Variants in TRMT2A observed in about 807,000 individuals in gnomAD.
TRMT2A encodes tRNA methyltransferase 2A.
A neutral mutation model predicts 59.3 loss-of-function variants in TRMT2A; 60 were observed. That is an observed-to-expected ratio of 1.01 (90% confidence interval 0.82 to 1.26). The LOEUF (loss-of-function observed/expected upper bound fraction) is 1.26, where lower values mean the gene tolerates loss of function less well. Among genes scored for constraint, TRMT2A ranks in the 50% most tolerant of loss-of-function variants. TRMT2A has a pLI of 0.00. For synonymous variants in TRMT2A, 403 were observed against 353.7 expected, an observed-to-expected ratio of 1.14 and a Z score of -1.56; for missense variants, 863 against 845.2, an observed-to-expected ratio of 1.02 and a Z score of -0.26.
In TRMT2A at chr22:20,116,440, T is replaced by A. The variant is rs760550164; in HGVS notation, c.197A>T (p.Asp66Val). 3 of 1,612,576 alleles carry A rather than the reference T, an allele frequency of 1.9e-6. No individual in the cohort carries two copies. ...TTTAAAGATCTCAGAGGTAAACAAG[T>A]CATCCCTGATGTAGCTGTAGAGCCC... Reference protein sequence around the residue: ...QPGLYSYIRDDLFTSEIFKLE... With the variant: ...QPGLYSYIRDVLFTSEIFKLE... The change falls in exon 2 of 12, where the codon GAC (aspartate) becomes GTC (valine). Residue 66 changes from aspartate to valine, a missense_variant. Physicochemically the swap from Asp to Val is radical, Grantham distance 152. Coordinates refer to ENST00000252136, the MANE Select transcript of TRMT2A (RefSeq NM_022727.6).
rs1183686754 is a variant in TRMT2A at position 20,112,441 on chromosome 22, G to C, written c.*122C>G. ...CCTAGCAGCAGGCCAATCCTGGTGGGGCACAGGGTTCTGTGCCCTTTGGCT... is the reference window on the plus strand; with the variant it reads ...CCTAGCAGCAGGCCAATCCTGGTGGCGCACAGGGTTCTGTGCCCTTTGGCT... On this transcript the variant is annotated 3_prime_UTR_variant, in exon 12 of 12. Transcript: ENST00000252136. 26 of 1,295,672 alleles carry C rather than the reference G, an allele frequency of 2.0e-5. No individual in the cohort carries two copies. Among genetic ancestry groups the C allele is most frequent in the Non-Finnish European group, 2.7e-5 (26 of 958,524 alleles). 80.3% of individuals were successfully genotyped at this position (1,295,672 alleles called of 1,614,324 possible). A position where few individuals can be genotyped will look rare whatever the true frequency, so the allele number is the denominator to read the frequency against.
At position 20,112,338 on chromosome 22, in the gene TRMT2A, T is replaced by C. The variant is rs1017396708; in HGVS notation, c.*225A>G. The C allele has an allele frequency of 1.8e-5, 11 of 596,916 alleles. No homozygotes were observed. The highest frequency in any genetic ancestry group is 2.7e-5 in the Non-Finnish European group (9 of 338,798). The allele number at this position is 596,916 out of a possible 1,614,324, so 37.0% of individuals were successfully genotyped here. ...TTGTTTATTCTGGCCCTCACAGCCT[T>C]GGCTAGTCCACAAAGGCCCTGGGGA... On this transcript the variant is annotated 3_prime_UTR_variant, in exon 12 of 12. Transcript: ENST00000252136.
intron 1 of TRMT2A, 72 bp downstream of exon 1, chr22:20,116,811 G>A: frequency 1.4e-6 from 2 of 1,472,820 alleles, no homozygotes; most frequent in Non-Finnish European, 1.9e-6. Flanking sequence ...CTATTCTCTG[G>A]CAGGTTTCCT....
chr22:20,116,262 G>T lies in TRMT2A; in HGVS notation c.375C>A (p.Ala125=). The change falls in exon 2 of 12, where the codon GCC becomes GCA. Residue 125 remains alanine (A), a synonymous_variant. Coordinates refer to ENST00000252136, the MANE Select transcript of TRMT2A (RefSeq NM_022727.6). ...TFRSAAERDK[A]LRVLHGALWK... is the part of the protein sequence containing the mutation. ...AGAGGGCACCATGCAAAACGCGCAGGGCCTTGTCCCTCTCTGCAGCGCTGC... is the reference window on the plus strand; with the variant it reads ...AGAGGGCACCATGCAAAACGCGCAGTGCCTTGTCCCTCTCTGCAGCGCTGC... 6.2e-7 allele frequency: 1 copy of T among 1,612,962 alleles called. No homozygotes were observed. The highest frequency in any genetic ancestry group is 8.5e-7 in the Non-Finnish European group (1 of 1,180,016).
chr22:20,115,979 G>A (rs1430074093), intron 2 of TRMT2A, 59 bp downstream of exon 2: 6 of 1,512,090 alleles, frequency 4.0e-6, no homozygotes, highest in Non-Finnish European at 5.3e-6. Flanking sequence ...TGGACAGGCT[G>A]AGGAAGCACA....
In TRMT2A at chr22:20,112,536, C is replaced by G. The variant is rs1478383495; in HGVS notation, c.*27G>C. The G allele has an allele frequency of 1.2e-6, 2 of 1,608,462 alleles. No homozygotes were observed. Among genetic ancestry groups the G allele is most frequent in the South Asian group, 2.2e-5 (2 of 90,778 alleles). ...CCCTGGGGCCCTGGGAGCCCTTCAGCTCCTGTCCCCATAATGGGTCCTGGG... is the reference window on the plus strand; with the variant it reads ...CCCTGGGGCCCTGGGAGCCCTTCAGGTCCTGTCCCCATAATGGGTCCTGGG... On this transcript the variant is annotated 3_prime_UTR_variant, in exon 12 of 12. Coordinates refer to ENST00000252136, the MANE Select transcript of TRMT2A (RefSeq NM_022727.6).
At chr22:20,113,839 G>A (rs2049924197) in intron 7 of TRMT2A, 31 bp from the exon 8 acceptor site, 3 of 1,532,254 alleles carry the variant, frequency 2.0e-6, no homozygotes, top group Non-Finnish European at 1.8e-6. Flanking sequence ...GGATGTCAGT[G>A]GCTCCTCTCC....
In TRMT2A at chr22:20,114,850, C is replaced by G. The variant is rs761716218; in HGVS notation, c.1032G>C (p.Glu344Asp). Residue 344 changes from glutamate (E) to aspartate (D), a missense_variant, in exon 6 of 12, where the codon GAG becomes GAC. Coordinates refer to ENST00000252136, the MANE Select transcript of TRMT2A (RefSeq NM_022727.6). Reference protein sequence around the residue: ...PQKLSPEELAELKTSLAQHFT... With the variant: ...PQKLSPEELADLKTSLAQHFT... ...AGTGCTGCGCTAGGGAGGTCTTCAG[C>G]TCTGCCAGCTCCTCAGGGCTCAGCT... 7 of 1,601,478 alleles carry G rather than the reference C, an allele frequency of 4.4e-6. No individual in the cohort carries two copies. In the East Asian group the frequency reaches 1.4e-4, roughly 31 times the overall value.
intron 4 of TRMT2A, 42 bp downstream of exon 4, chr22:20,115,224 C>A: frequency 1.9e-6 from 3 of 1,593,042 alleles, no homozygotes; most frequent in South Asian, 2.2e-5. Flanking sequence ...TCTGCTCCCA[C>A]ACCGCATAGG....
Position 20,112,424 on chromosome 22 carries a change from C to T in TRMT2A, c.*139G>A, listed in dbSNP as rs2049870878. ...GGTCAGGGCCCCTGGCCCCTAGCAG[C>T]AGGCCAATCCTGGTGGGGCACAGGG... On this transcript the variant is annotated 3_prime_UTR_variant, in exon 12 of 12. Transcript: ENST00000252136. 8.6e-7 allele frequency: 1 copy of T among 1,162,250 alleles called. No homozygotes were observed. The highest frequency in any genetic ancestry group is 1.2e-6 in the Non-Finnish European group (1 of 839,166). The allele number at this position is 1,162,250 out of a possible 1,614,324, so 72.0% of individuals were successfully genotyped here. A position where few individuals can be genotyped will look rare whatever the true frequency, so the allele number is the denominator to read the frequency against.
chr22:20,113,132 G>T lies in TRMT2A; in HGVS notation c.1535C>A (p.Pro512His). The T allele has an allele frequency of 6.2e-7, 1 of 1,603,746 alleles. No individual in the cohort carries two copies. The highest frequency in any genetic ancestry group is 8.5e-7 in the Non-Finnish European group (1 of 1,173,950). Residue 512 changes from proline to histidine, a missense_variant, in exon 10 of 12, where the codon CCC becomes CAC. Coordinates refer to ENST00000252136, the MANE Select transcript of TRMT2A (RefSeq NM_022727.6). ...AAGCCACTCACGCAAGCCAGCACGG[G>T]GTGGGTCCAGGATGGCCACGAGGTG... ...SQHLVAILDPPRAGLHSKVIL... is the reference protein window; with the variant it reads ...SQHLVAILDPHRAGLHSKVIL...
Position 20,116,508 on chromosome 22 carries a change from C to T in TRMT2A, c.129G>A (p.Glu43=), listed in dbSNP as rs1296341550. The T allele has an allele frequency of 1.9e-6, 3 of 1,612,464 alleles. No individual in the cohort carries two copies. Among genetic ancestry groups the T allele is most frequent in the Non-Finnish European group, 2.5e-6 (3 of 1,179,888 alleles). The stretch of plus-strand genomic sequence containing the variant: ...CTGTAGCCGCCCCAGCGCCCTCTTT[C>T]TCCACCTCCTCCAGGGCTGCCGGGG... ...PAAPAALEEV[E]KEGAGAATGP... Residue 43 remains glutamate, a synonymous_variant, in exon 2 of 12, where the codon GAG becomes GAA. Coordinates refer to ENST00000252136, the MANE Select transcript of TRMT2A (RefSeq NM_022727.6).
chr22:20,113,657 G>A (rs761135534), intron 8 of TRMT2A, 29 bp downstream of exon 8: 16 of 1,589,796 alleles, frequency 1.0e-5, no homozygotes, highest in Non-Finnish European at 1.4e-5. Flanking sequence ...GTGGGGAGAG[G>A]GTGCCCTCAG....
In TRMT2A at chr22:20,112,910, C is replaced by G. The variant is rs768271920; in HGVS notation, c.1646+1G>C. The G allele has an allele frequency of 6.2e-7, 1 of 1,613,734 alleles. No individual in the cohort carries two copies. The highest frequency in any genetic ancestry group is 8.5e-7 in the Non-Finnish European group (1 of 1,179,998). ...CCACCCAGGCCCCTGCAGACACTCA[C>G]TCCACAAAGTTGCCCATGGCTGCCC... On this transcript the variant is annotated splice_donor_variant, in intron 11 of 11. Transcript: ENST00000252136. LOFTEE classifies it high-confidence loss of function.
rs1365679726 is a variant in TRMT2A, at chr22:20,112,435, T to TG, written c.*127dup. The TG allele has an allele frequency of 2.4e-6, 3 of 1,257,980 alleles. No homozygotes were observed. In the African/African-American group the frequency reaches 4.6e-5, roughly 19 times the overall value. 77.9% of individuals were successfully genotyped at this position (1,257,980 alleles called of 1,614,324 possible). The stretch of plus-strand genomic sequence containing the variant: ...CTGGCCCCTAGCAGCAGGCCAATCC[T>TG]GGTGGGGCACAGGGTTCTGTGCCCT... On this transcript the variant is annotated 3_prime_UTR_variant, in exon 12 of 12. Coordinates refer to ENST00000252136, the MANE Select transcript of TRMT2A (RefSeq NM_022727.6).
At position 20,113,517 on chromosome 22, in the gene TRMT2A, G is replaced by A. The variant is rs1335095207; in HGVS notation, c.1357-10C>T. 5 of 1,613,464 alleles carry A rather than the reference G, an allele frequency of 3.1e-6. No homozygotes were observed. The South Asian group carries it at 4.4e-5, about 14-fold the overall frequency. On this transcript the variant is annotated splice_polypyrimidine_tract_variant and intron_variant, in intron 8 of 11. Coordinates refer to ENST00000252136, the MANE Select transcript of TRMT2A (RefSeq NM_022727.6). The stretch of plus-strand genomic sequence containing the variant: ...TGACCCTCTTTACCTTCTGAAACAG[G>A]AAAGCGTGGTGTCGCCCCACCCAGG...
At chr22:20,114,529 GC>G (rs763954716) in intron 7 of TRMT2A, 44 bp downstream of exon 7, 9 of 1,498,356 alleles carry the variant, frequency 6.0e-6, no homozygotes, top group Non-Finnish European at 8.4e-6. Context: ...GGTGCGTCAG[GC>G]CTCCCTCAAC....
Position 20,116,895 on chromosome 22 carries a change from G to A in TRMT2A, c.12C>T (p.Asn4=), listed in dbSNP as rs1439402493. 6.2e-7 allele frequency: 1 copy of A among 1,604,940 alleles called. No homozygotes were observed. The stretch of plus-strand genomic sequence containing the variant: ...CCCCGCACTCTACCTCGTTGTCGAG[G>A]TTCTCACTCATCGCCCAGGCGGTTC... MSE[N]LDNEGPKPME... The change falls in exon 1 of 12, where the codon AAC becomes AAT. Residue 4 remains asparagine, a synonymous_variant. Coordinates refer to ENST00000252136, the MANE Select transcript of TRMT2A (RefSeq NM_022727.6).
At chr22:20,113,548 G>A (rs2049915269) in intron 8 of TRMT2A, 41 bp from the exon 9 acceptor site, 1 of 1,611,936 alleles carries the variant, frequency 6.2e-7, no homozygotes, top group South Asian at 1.1e-5. Flanking sequence ...CCAGGGAGGG[G>A]AGTACATGGG....
Sources: allele counts gnomAD v4.1 joint callset, GRCh38; gene constraint gnomAD v4.1.1; transcripts MANE v1.5; gene names NCBI Gene and HGNC (gene_info 2026-07-23, HGNC 2026-07-21).